AFAP1L2: variants seen among roughly 807,000 people sequenced by gnomAD.
AFAP1L2 encodes the protein actin filament-associated protein 1-like 2.
A neutral mutation model predicts 99.3 loss-of-function variants in AFAP1L2; 46 were observed. The observed-to-expected ratio is 0.46, with a 90% CI of 0.37 to 0.59. The LOEUF (loss-of-function observed/expected upper bound fraction) is 0.59. Among genes scored for constraint, AFAP1L2 ranks in the 20% least tolerant of loss-of-function variants. The pLI is 0.00. For missense variants in AFAP1L2, 959 were observed against 1,034.9 expected (o/e 0.93, Z 1.01); for synonymous variants, 397 against 419.1 (o/e 0.95, Z 0.64).
chr10:114,404,123 G>A (rs2058496371), intron 1 of AFAP1L2, among the ~76,000 whole-genome samples: 1 of 152,158 alleles, frequency 6.6e-6, no homozygotes, highest in Non-Finnish European at 1.5e-5. Flanking sequence ...CTGTGCGGCG[G>A]GACTGAGGGT....
chr10:114,283,216 A>C, the AFAP1L2 span, among the ~76,000 whole-genome samples: 4 of 152,122 alleles, frequency 2.6e-5, no homozygotes, highest in South Asian at 8.3e-4. Flanking sequence ...CCCGATGAGT[A>C]GCCTGTCTCC....
Position 114,295,014 on chromosome 10 carries a change from G to GT in AFAP1L2, c.*1027dup, listed in dbSNP as rs1360175049. ...TAATAGATGAAATGTTTCAACCTGTGTTAAAAAAAAAAAAAAAAAAATGCC... is the reference window on the plus strand; with the variant it reads ...TAATAGATGAAATGTTTCAACCTGTGTTTAAAAAAAAAAAAAAAAAAATGCC... On this transcript the variant is annotated 3_prime_UTR_variant, in exon 19 of 19. Transcript: ENST00000304129. 6 of 466,082 alleles carry GT rather than the reference G, an allele frequency of 1.3e-5. No individual in the cohort carries two copies. The highest frequency in any genetic ancestry group is 2.6e-4 in the Admixed American group (1 of 3,896). 28.9% of individuals were successfully genotyped at this position (466,082 alleles called of 1,614,324 possible).
chr10:114,345,698 G>A (rs554506680), intron 1 of AFAP1L2, among the ~76,000 whole-genome samples: 2 of 152,356 alleles, frequency 1.3e-5, no homozygotes, highest in East Asian at 1.9e-4. Context: ...CCATCCATCC[G>A]TTGGCTGTAG....
chr10:114,286,458 T>C, the AFAP1L2 span: 2 of 1,606,524 alleles, frequency 1.2e-6, no homozygotes, highest in South Asian at 1.1e-5. Context: ...CCTCAGGATC[T>C]GTTCAACCAA....
At chr10:114,346,348 A>G (rs2049571050) in intron 1 of AFAP1L2, among the ~76,000 whole-genome samples, 1 of 152,180 alleles carries the variant, frequency 6.6e-6, no homozygotes, top group African/African-American at 2.4e-5. Flanking sequence ...GTCTATCTCC[A>G]GGGCAGAAGC....
rs181346166 is a variant in AFAP1L2, at chr10:114,295,899, G to T, written c.*143C>A. The T allele has an allele frequency of 6.5e-7, 1 of 1,548,766 alleles. No individual in the cohort carries two copies. Among genetic ancestry groups the T allele is most frequent in the East Asian group, 2.3e-5 (1 of 44,184 alleles). On this transcript the variant is annotated 3_prime_UTR_variant, in exon 19 of 19. Coordinates refer to ENST00000304129, the MANE Select transcript of AFAP1L2 (RefSeq NM_001001936.3). ...TGAAAAGGGACAGAGCCTCCTCTTAGCTGAAGCTCTCCATTCACAGTACCT... is the reference window on the plus strand; with the variant it reads ...TGAAAAGGGACAGAGCCTCCTCTTATCTGAAGCTCTCCATTCACAGTACCT...
chr10:114,282,563 C>A, the AFAP1L2 span: 1 of 1,614,032 alleles, frequency 6.2e-7, no homozygotes, highest in Non-Finnish European at 8.5e-7. Flanking sequence ...TACAGGACCA[C>A]CTGCCCAGGT....
At chr10:114,353,262 G>C (rs2050817967) in intron 1 of AFAP1L2, among the ~76,000 whole-genome samples, 1 of 152,238 alleles carries the variant, frequency 6.6e-6, no homozygotes, top group African/African-American at 2.4e-5. Flanking sequence ...CCTGAGGAGG[G>C]AAACGGGGCC....
rs192451249 is a variant in AFAP1L2 at position 114,402,710 on chromosome 10, G to A, written c.16+1730C>T. Among the ~76,000 whole-genome samples, 199 of 152,336 alleles carry A rather than the reference G, an allele frequency of 1.3e-3. 2 individuals are homozygous for A. The highest frequency in any genetic ancestry group is 5.7e-4 in the Non-Finnish European group (39 of 68,016). ...AGACTTTTATCAGGTCAAGGGCCAA[G>A]TCAAAAGTTATTAATACAAAAGCCT... On this transcript the variant is annotated intron_variant, in intron 1 of 18. Transcript: ENST00000304129.
At chr10:114,400,677 T>A (rs1325961827) in intron 1 of AFAP1L2, among the ~76,000 whole-genome samples, 1 of 152,198 alleles carries the variant, frequency 6.6e-6, no homozygotes, top group East Asian at 1.9e-4. Context: ...ATTACTGATC[T>A]TTTTTGCTCT....
chr10:114,289,044 C>G, the AFAP1L2 span: 1 of 1,614,180 alleles, frequency 6.2e-7, no homozygotes, highest in Non-Finnish European at 8.5e-7. Context: ...GCTGTGCCCT[C>G]CAGTTTGAGG....
At chr10:114,296,169 C>T in intron 18 of AFAP1L2, 101 bp from the exon 19 acceptor site, 1 of 1,491,942 alleles carries the variant, frequency 6.7e-7, no homozygotes, top group Non-Finnish European at 9.3e-7. Context: ...GTGAGAAAAA[C>T]TATTTTAGGC....
rs1450951706 is a variant in AFAP1L2, at chr10:114,301,916, C to T, written c.1430+423G>A. 4 of 261,630 alleles carry T rather than the reference C, an allele frequency of 1.5e-5. No individual in the cohort carries two copies. In the East Asian group the frequency reaches 3.6e-4, roughly 24 times the overall value. The allele number at this position is 261,630 out of a possible 1,614,324, so 16.2% of individuals were successfully genotyped here. A position where few individuals can be genotyped will look rare whatever the true frequency, so the allele number is the denominator to read the frequency against. ...GCTTCCACGAGACTGGCTCTACCACCCTGACCAGAGAACGCCCTCTCCCTC... is the reference window on the plus strand; with the variant it reads ...GCTTCCACGAGACTGGCTCTACCACTCTGACCAGAGAACGCCCTCTCCCTC... On this transcript the variant is annotated intron_variant, in intron 12 of 18. Transcript: ENST00000304129.
intron 1 of AFAP1L2, among the ~76,000 whole-genome samples, chr10:114,368,993 G>T (rs2053698666): frequency 6.6e-6 from 1 of 152,072 alleles, no homozygotes; most frequent in Non-Finnish European, 1.5e-5. Context: ...CAAGGAGTTG[G>T]CCACGGCAAA....
intron 7 of AFAP1L2, among the ~76,000 whole-genome samples, chr10:114,311,153 G>A (rs2043182848): frequency 6.6e-6 from 1 of 152,174 alleles, no homozygotes; most frequent in Non-Finnish European, 1.5e-5. Context: ...AGGGAGGCTG[G>A]GTCCGGAAAA....
chr10:114,284,114 G>T, the AFAP1L2 span, among the ~76,000 whole-genome samples: 1 of 152,186 alleles, frequency 6.6e-6, no homozygotes, highest in Non-Finnish European at 1.5e-5. Flanking sequence ...GCTCAGGCAT[G>T]GACCACAGGG....
chr10:114,404,589 C>A, upstream of AFAP1L2: 3 of 1,301,568 alleles, frequency 2.3e-6, no homozygotes, highest in South Asian at 1.9e-5. Flanking sequence ...GCGGGGCCGC[C>A]GCGCCCAGGG....
intron 7 of AFAP1L2, among the ~76,000 whole-genome samples, chr10:114,313,075 T>C (rs1268607715): frequency 7.5e-6 from 1 of 132,506 alleles, no homozygotes; most frequent in Admixed American, 7.8e-5. Context: ...GGGTGCGGGG[T>C]GGATAGAACG....
intron 1 of AFAP1L2, among the ~76,000 whole-genome samples, chr10:114,357,528 G>C (rs2051576375): frequency 2.0e-5 from 3 of 152,136 alleles, no homozygotes; most frequent in African/African-American, 7.2e-5. Flanking sequence ...TGACTGCATA[G>C]CCAATATTCC....
Sources: gnomAD v4.1 joint callset for allele counts (sites outside exome capture counted in the v4.1 genomes callset) on GRCh38, gnomAD v4.1.1 for gene constraint, MANE v1.5 for transcripts, NCBI Gene and HGNC (gene_info 2026-07-23, HGNC 2026-07-21) for gene names.